Variants in KDM4C observed in about 807,000 individuals in gnomAD.
The protein encoded by KDM4C is lysine demethylase 4C.
In KDM4C, 81 loss-of-function variants were observed where a neutral mutation model predicts 129.3. The observed-to-expected ratio is 0.63, with a 90% CI of 0.52 to 0.75. The LOEUF is 0.75. Among genes scored for constraint, KDM4C ranks in the 30% least tolerant of loss-of-function variants. The pLI, the probability that KDM4C is intolerant of heterozygous loss-of-function variation, is 0.00. For synonymous variants in KDM4C, 573 were observed against 456.1 expected (o/e 1.26, Z -3.26); for missense variants, 1,457 against 1,304.0 (o/e 1.12, Z -1.81).
intron 19 of KDM4C, among the ~76,000 whole-genome samples, chr9:7,142,109 T>TA (rs960696157): frequency 6.6e-6 from 1 of 152,200 alleles, no homozygotes; most frequent in Non-Finnish European, 1.5e-5. Flanking sequence ...TAAAAATAAA[T>TA]AAATAAATTG....
chr9:6,858,754 A>C (rs1366387309), intron 5 of KDM4C, among the ~76,000 whole-genome samples: 1 of 150,906 alleles, frequency 6.6e-6, no homozygotes, highest in Admixed American at 6.6e-5. Flanking sequence ...CCTGGGTGAC[A>C]GAGTGATTTT....
At chr9:6,835,437 C>A in intron 4 of KDM4C, 1 of 1,179,206 alleles carries the variant, frequency 8.5e-7, no homozygotes, top group Non-Finnish European at 1.3e-6. Context: ...AGATCAAGAT[C>A]ATTGCTCCTC....
intron 19 of KDM4C, among the ~76,000 whole-genome samples, chr9:7,146,872 T>C (rs1842265709): frequency 6.6e-6 from 1 of 152,220 alleles, no homozygotes; most frequent in Admixed American, 6.5e-5. Flanking sequence ...TGTTCTGTTG[T>C]AGCCTCCTTT....
chr9:6,832,322 A>C (rs1333626994), intron 4 of KDM4C, among the ~76,000 whole-genome samples: 1 of 150,742 alleles, frequency 6.6e-6, no homozygotes. Flanking sequence ...CCTGGGCGAC[A>C]GAGTGAGACT....
chr9:6,869,725 A>T (rs540714932), intron 5 of KDM4C, among the ~76,000 whole-genome samples: 1 of 152,172 alleles, frequency 6.6e-6, no homozygotes, highest in Non-Finnish European at 1.5e-5. Context: ...TTCAAGGGGT[A>T]TGTTCTTGGG....
intron 17 of KDM4C, among the ~76,000 whole-genome samples, chr9:7,063,405 A>G (rs981683766): frequency 6.6e-5 from 10 of 152,210 alleles, no homozygotes; most frequent in African/African-American, 2.2e-4. Context: ...CTAATGACCA[A>G]CAGTTCTTTG....
chr9:6,734,385 C>T (rs935828326), intron 1 of KDM4C, among the ~76,000 whole-genome samples: 2 of 150,926 alleles, frequency 1.3e-5, no homozygotes, highest in Admixed American at 1.3e-4. Flanking sequence ...ACCTCTGCCT[C>T]CCGGGTTCAA....
chr9:6,763,515 A>T (rs956645914), intron 1 of KDM4C, among the ~76,000 whole-genome samples: 2 of 152,202 alleles, frequency 1.3e-5, no homozygotes, highest in African/African-American at 2.4e-5. Context: ...ATGCAAGCCC[A>T]GAGAAAGGTT....
rs747261666 is a variant in KDM4C, at chr9:6,986,431, C to G, written c.1442C>G (p.Ser481Cys). Reference sequence around the variant, plus strand: ...GCATATAGAAGTGTACCTTCTATATCCAGTGAGGCTGATGATTCCATTCCA... The same window carrying G: ...GCATATAGAAGTGTACCTTCTATATGCAGTGAGGCTGATGATTCCATTCCA... ...AYAYRSVPSI[S>C]SEADDSIPLS... Residue 481 changes from serine to cysteine, a missense_variant, in exon 11 of 22, where the codon TCC (serine) becomes TGC (cysteine). Physicochemically the swap from Ser to Cys is moderately radical, Grantham distance 112. Transcript: ENST00000381309. The G allele has an allele frequency of 6.2e-6, 10 of 1,612,336 alleles. No individual in the cohort carries two copies. In the African/African-American group the frequency reaches 1.1e-4, roughly 17 times the overall value.
chr9:6,760,550 A>T lies in KDM4C; in HGVS notation c.-18+2347A>T, dbSNP rs529697764. ...TCTTGGGTGATACTCTTTTTTATTT[A>T]TTTATTTATTTATTTATTTATTTAT... On this transcript the variant is annotated intron_variant, in intron 1 of 21. Transcript: ENST00000381309. Among the ~76,000 whole-genome samples the T allele has an allele frequency of 2.2e-4, 22 of 101,142 alleles. No individual in the cohort carries two copies. The East Asian group carries it at 5.7e-3, about 26-fold the overall frequency. 66.4% of individuals were successfully genotyped at this position (101,142 alleles called of 152,430 possible).
intron 1 of KDM4C, among the ~76,000 whole-genome samples, chr9:6,737,253 A>C (rs1016233066): frequency 6.6e-6 from 1 of 152,094 alleles, no homozygotes; most frequent in Non-Finnish European, 1.5e-5. Flanking sequence ...GACAACCTAC[A>C]GACTGGGAAA....
intron 17 of KDM4C, among the ~76,000 whole-genome samples, chr9:7,061,615 G>A (rs531844259): frequency 1.3e-5 from 2 of 152,324 alleles, no homozygotes; most frequent in South Asian, 4.1e-4. Flanking sequence ...GTAAAAGCCT[G>A]GCTGTGGGCT....
chr9:7,021,305 C>T (rs569548491), intron 15 of KDM4C, among the ~76,000 whole-genome samples: 6 of 151,676 alleles, frequency 4.0e-5, no homozygotes, highest in African/African-American at 1.5e-4. Context: ...CCACCATGCC[C>T]GGCTAATTTT....
intron 17 of KDM4C, chr9:7,077,288 A>G: frequency 1.1e-6 from 1 of 930,928 alleles, no homozygotes. Flanking sequence ...TTGTAATTTG[A>G]TTTGCGTATT....
chr9:7,046,725 G>A, intron 15 of KDM4C, 137 bp from the exon 16 acceptor site: 1 of 700,258 alleles, frequency 1.4e-6, no homozygotes, highest in Non-Finnish European at 2.6e-6. Context: ...GAACTTCTCA[G>A]AGATAGACCT....
intron 1 of KDM4C, among the ~76,000 whole-genome samples, chr9:6,746,522 G>A (rs1232972445): frequency 2.0e-5 from 3 of 149,864 alleles, no homozygotes; most frequent in Non-Finnish European, 4.4e-5. Context: ...GCCCGCCTCA[G>A]CTTCCCAAAG....
intron 8 of KDM4C, among the ~76,000 whole-genome samples, chr9:6,915,412 C>G (rs190639778): frequency 6.6e-6 from 1 of 152,300 alleles, no homozygotes; most frequent in East Asian, 1.9e-4. Flanking sequence ...CTTCTCACTA[C>G]TACTGTGATG....
chr9:6,767,054 C>G (rs145120106), intron 1 of KDM4C, among the ~76,000 whole-genome samples: 2 of 152,196 alleles, frequency 1.3e-5, no homozygotes, highest in East Asian at 3.9e-4. Flanking sequence ...TCACAGGCAT[C>G]CCTTTGAGTG....
chr9:6,775,637 C>T (rs1017247882), intron 1 of KDM4C, among the ~76,000 whole-genome samples: 3 of 152,002 alleles, frequency 2.0e-5, no homozygotes, highest in African/African-American at 7.3e-5. Flanking sequence ...ATTCTTCTGC[C>T]TCAGCCTCCG....
Sources: allele counts gnomAD v4.1 joint callset (sites outside exome capture counted in the v4.1 genomes callset), GRCh38; gene constraint gnomAD v4.1.1; transcripts MANE v1.5; gene names NCBI Gene and HGNC (gene_info 2026-07-23, HGNC 2026-07-21).